MYH9: variants seen among roughly 807,000 people sequenced by gnomAD.
The protein encoded by MYH9 is myosin-9.
MYH9 carries 29 observed loss-of-function variants against 241.9 expected under a neutral mutation model. The observed-to-expected ratio is 0.12, with a 90% confidence interval of 0.09 to 0.16. MYH9 has a LOEUF of 0.16. MYH9 is among the 10% of genes least tolerant of loss of function. The probability of loss-of-function intolerance (pLI) is 1.00; values close to 1 mark genes in which losing one functional copy is unlikely to be tolerated. For missense variants in MYH9, 1,803 were observed against 2,595.5 expected (o/e 0.69, Z 6.63); for synonymous variants, 1,047 against 1,062.6 (o/e 0.99, Z 0.29).
At chr22:36,348,849 C>G (rs546429435) in intron 2 of MYH9, 55 bp downstream of exon 2, 23 of 1,029,470 alleles carry the variant, frequency 2.2e-5, no homozygotes, top group East Asian at 1.6e-4. Context: ...CCGCCCCCCC[C>G]CCCCACCTCG....
rs542731575 is a variant in MYH9 at position 36,355,016 on chromosome 22, G to A, written c.-19-5761C>T. 1.6e-3 allele frequency among the ~76,000 whole-genome samples: 192 copies of A among 120,024 alleles called. 3 individuals carry two copies. The South Asian group carries it at 0.044, about 27-fold the overall frequency. 78.7% of individuals were successfully genotyped at this position (120,024 alleles called of 152,430 possible). The stretch of plus-strand genomic sequence containing the variant: ...ACACACACACAGAGGAAAGATCTCC[G>A]TGGCTCAGAAAGTCCCGAGCTCCTG... On this transcript the variant is annotated intron_variant, in intron 1 of 40. Transcript: ENST00000216181.
At chr22:36,355,786 C>G (rs2146400093) in intron 1 of MYH9, among the ~76,000 whole-genome samples, 1 of 152,282 alleles carries the variant, frequency 6.6e-6, no homozygotes, top group South Asian at 2.1e-4. Flanking sequence ...TCCGTTTCCC[C>G]CTTAGCTGCC....
chr22:36,332,345 G>A (rs2017434312), intron 3 of MYH9, among the ~76,000 whole-genome samples: 1 of 152,230 alleles, frequency 6.6e-6, no homozygotes, highest in Non-Finnish European at 1.5e-5. Context: ...TCTGTGCCGA[G>A]TGGGGTGGAG....
intron 40 of MYH9, among the ~76,000 whole-genome samples, chr22:36,283,446 A>T (rs2016525128): frequency 6.6e-6 from 1 of 151,936 alleles, no homozygotes; most frequent in African/African-American, 2.4e-5. Context: ...CTGAGGGAGG[A>T]GAATCGCTTG....
At chr22:36,283,451 C>T (rs2016525255) in intron 40 of MYH9, among the ~76,000 whole-genome samples, 1 of 151,340 alleles carries the variant, frequency 6.6e-6, no homozygotes, top group African/African-American at 2.4e-5. Flanking sequence ...GGAGGAGAAT[C>T]GCTTGAACCC....
chr22:36,295,068 C>T lies in MYH9; in HGVS notation c.3494G>A (p.Arg1165His). 3 of 1,614,196 alleles carry T rather than the reference C, an allele frequency of 1.9e-6. No homozygotes were observed. Among genetic ancestry groups the T allele is most frequent in the Non-Finnish European group, 2.5e-6 (3 of 1,180,038 alleles). ...CTTCAGGATGTTCACCTCCTGCTCA[C>T]GTTTTGACCTGGACAGAGAAATCCC... is the stretch of plus-strand genomic sequence containing the variant. ...TAAQQELRSK[R>H]EQEVNILKKT... Residue 1165 changes from arginine to histidine, a missense_variant, in exon 27 of 41, where the codon CGT becomes CAT. Physicochemically the swap from Arg to His is conservative, Grantham distance 29. This residue lies in a region of MYH9 where 876 missense variants were observed against 1,077.8 expected (regional missense o/e 0.81). Coordinates refer to ENST00000216181, the MANE Select transcript of MYH9 (RefSeq NM_002473.6). This position sits in a 1 kb window ranked among gnomAD's most constrained non-coding sequence, Gnocchi z 4.1.
chr22:36,286,480 C>T (rs927450459), intron 35 of MYH9, among the ~76,000 whole-genome samples: 3 of 152,210 alleles, frequency 2.0e-5, no homozygotes, highest in Non-Finnish European at 2.9e-5. Context: ...TGGTGGTGGC[C>T]ACAAAGCCTC....
chr22:36,359,926 TG>T (rs2017911042), intron 1 of MYH9, among the ~76,000 whole-genome samples: 1 of 152,188 alleles, frequency 6.6e-6, no homozygotes. Flanking sequence ...TTTATGGCTT[TG>T]GGGCCAGACA....
chr22:36,283,532 C>T (rs2016526900), intron 40 of MYH9, among the ~76,000 whole-genome samples: 1 of 144,454 alleles, frequency 6.9e-6, no homozygotes, highest in African/African-American at 2.6e-5. Flanking sequence ...AGCGAAACTC[C>T]GTCTCAAAAA....
chr22:36,346,382 A>G lies in MYH9; in HGVS notation c.333+2522T>C, dbSNP rs142700163. On this transcript the variant is annotated intron_variant, in intron 2 of 40. Coordinates refer to ENST00000216181, the MANE Select transcript of MYH9 (RefSeq NM_002473.6). Reference sequence around the variant, plus strand: ...TGGCTCCCATTGAAGGCTTTAGCACATTGCAGGGCACTCAGAAGCATGAGT... The same window carrying G: ...TGGCTCCCATTGAAGGCTTTAGCACGTTGCAGGGCACTCAGAAGCATGAGT... Among the ~76,000 whole-genome samples, 10 of 152,336 alleles carry G rather than the reference A, an allele frequency of 6.6e-5. No homozygotes were observed. In the East Asian group the frequency reaches 9.6e-4, roughly 15 times the overall value.
chr22:36,320,802 C>T lies in MYH9; in HGVS notation c.864G>A (p.Leu288=). 6.2e-7 allele frequency: 1 copy of T among 1,613,542 alleles called. No individual in the cohort carries two copies. The highest frequency in any genetic ancestry group is 8.5e-7 in the Non-Finnish European group (1 of 1,179,514). Residue 288 remains leucine, a synonymous_variant, in exon 8 of 41, where the codon CTG becomes CTA. Coordinates refer to ENST00000216181, the MANE Select transcript of MYH9 (RefSeq NM_002473.6). This position sits in a 1 kb window ranked among gnomAD's most constrained non-coding sequence, Gnocchi z 4.8. ...GGCTGCAGGCCAACTACTCACTCTT[C>T]AGGTGCTCTCCAGCCCCAGACAGGA... ...YYLLSGAGEH[L]KTDLLLEPYN...
chr22:36,302,464 A>G (rs2146344978), intron 20 of MYH9, 104 bp downstream of exon 20: 2 of 1,016,140 alleles, frequency 2.0e-6, no homozygotes, highest in Admixed American at 1.7e-5. Flanking sequence ...CCTGGGCGAC[A>G]TGGTGAGACC....
At chr22:36,360,978 A>AT (rs1280068202) in intron 1 of MYH9, among the ~76,000 whole-genome samples, 1 of 152,174 alleles carries the variant, frequency 6.6e-6, no homozygotes, top group Non-Finnish European at 1.5e-5. Context: ...ACTCTCTGCA[A>AT]TACACACCAG....
intron 5 of MYH9, among the ~76,000 whole-genome samples, 169 bp from the exon 6 acceptor site, chr22:36,322,690 G>A (rs1326026302): frequency 1.3e-5 from 2 of 152,238 alleles, no homozygotes; most frequent in East Asian, 1.9e-4. Flanking sequence ...GCCAGGCCCC[G>A]GTATCATCCA....
intron 10 of MYH9, among the ~76,000 whole-genome samples, chr22:36,318,801 T>A (rs1390061684): frequency 6.6e-6 from 1 of 152,032 alleles, no homozygotes; most frequent in Non-Finnish European, 1.5e-5. Flanking sequence ...CTTGCTCTTG[T>A]TGCCCAGGCT....
rs1392968837 is a variant in MYH9, at chr22:36,305,121, G to A, written c.2160-19C>T. 2 of 1,606,058 alleles carry A rather than the reference G, an allele frequency of 1.2e-6. No individual in the cohort carries two copies. The highest frequency in any genetic ancestry group is 2.7e-5 in the African/African-American group (2 of 74,868). On this transcript the variant is annotated intron_variant, in intron 17 of 40. Coordinates refer to ENST00000216181, the MANE Select transcript of MYH9 (RefSeq NM_002473.6). The surrounding 1 kb of genome is among the most constrained non-coding windows in gnomAD (Gnocchi z 4.7). Reference sequence around the variant, plus strand: ...CTCATATCTGAGGAAGGAAAGAGAAGCCTGGTCATTTTACCCATTGCCTCG... The same window carrying A: ...CTCATATCTGAGGAAGGAAAGAGAAACCTGGTCATTTTACCCATTGCCTCG...
intron 3 of MYH9, among the ~76,000 whole-genome samples, chr22:36,340,797 G>A (rs930312008): frequency 6.6e-6 from 1 of 152,194 alleles, no homozygotes; most frequent in Middle Eastern, 3.2e-3. Flanking sequence ...GGCCAGTCTG[G>A]AGAAGGGGTG....
intron 31 of MYH9, among the ~76,000 whole-genome samples, chr22:36,290,890 G>A (rs1348637437): frequency 7.2e-5 from 11 of 151,994 alleles, no homozygotes; most frequent in African/African-American, 2.4e-4. Context: ...CGTCTGAGAA[G>A]TGAGGAGACC....
chr22:36,376,888 C>G (rs1303199968), intron 1 of MYH9, among the ~76,000 whole-genome samples: 1 of 152,090 alleles, frequency 6.6e-6, no homozygotes, highest in Admixed American at 6.6e-5. Flanking sequence ...CATGGTGAAA[C>G]CCTGTCTCTA....
Sources: gnomAD v4.1 joint callset for allele counts (sites outside exome capture counted in the v4.1 genomes callset) on GRCh38, gnomAD v4.1.1 for gene constraint, gnomAD v4.1.1 regional missense constraint, Gnocchi (gnomAD v3.1) non-coding constraint, MANE v1.5 for transcripts, NCBI Gene and HGNC (gene_info 2026-07-23, HGNC 2026-07-21) for gene names.